Variants in GRIK2 observed in about 807,000 individuals in gnomAD.
The protein encoded by GRIK2 is glutamate receptor ionotropic, kainate 2.
Under a neutral mutation model 100.3 loss-of-function variants are expected in GRIK2, and 32 were observed. The ratio of observed to expected loss-of-function variants is 0.32; its 90% CI spans 0.24 to 0.43. GRIK2 has a LOEUF of 0.43. Among genes scored for constraint, GRIK2 ranks in the 20% least tolerant of loss-of-function variants. GRIK2 has a pLI of 1.00. For missense variants in GRIK2, 843 were observed against 1,114.9 expected, an observed-to-expected ratio of 0.76 and a Z score of 3.47; for synonymous variants, 417 against 389.4, an observed-to-expected ratio of 1.07 and a Z score of -0.83.
chr6:101,907,686 A>G (rs1582507217), intron 12 of GRIK2, among the ~76,000 whole-genome samples: 1 of 151,252 alleles, frequency 6.6e-6, no homozygotes, highest in South Asian at 2.1e-4. Context: ...GTTTCTTCAT[A>G]ATATTTAATG....
chr6:101,737,851 T>C (rs925144394), intron 7 of GRIK2, among the ~76,000 whole-genome samples: 1 of 152,106 alleles, frequency 6.6e-6, no homozygotes, highest in South Asian at 2.1e-4. Context: ...TGGTGCATTG[T>C]GAAAGAAAAG....
intron 15 of GRIK2, among the ~76,000 whole-genome samples, chr6:102,053,199 G>T (rs1771292780): frequency 6.6e-6 from 1 of 151,848 alleles, no homozygotes; most frequent in Non-Finnish European, 1.5e-5. Flanking sequence ...CACAAGATTT[G>T]TTGCATATAC....
chr6:101,916,676 C>A lies in GRIK2; in HGVS notation c.1749-7925C>A, dbSNP rs557002979. ...AAACCTTCTGTGCACTTCAGAGATA[C>A]CTGATTTATACAAAACTGAATTTTT... On this transcript the variant is annotated intron_variant, in intron 12 of 16. Coordinates refer to ENST00000369134, the MANE Select transcript of GRIK2 (RefSeq NM_021956.5). Among the ~76,000 whole-genome samples the A allele has an allele frequency of 2.6e-5, 4 of 151,594 alleles. No homozygotes were observed. The South Asian group carries it at 8.3e-4, about 31-fold the overall frequency.
At chr6:101,906,034 A>T (rs929846698) in intron 12 of GRIK2, among the ~76,000 whole-genome samples, 1 of 151,662 alleles carries the variant, frequency 6.6e-6, no homozygotes, top group African/African-American at 2.4e-5. Flanking sequence ...CTCAAATATT[A>T]AAGTGCGTTT....
At chr6:101,994,031 AT>A (rs1246696295) in intron 14 of GRIK2, among the ~76,000 whole-genome samples, 12 of 148,544 alleles carry the variant, frequency 8.1e-5, no homozygotes, top group African/African-American at 2.7e-4. Flanking sequence ...TATATACATT[AT>A]ATACAGATAT....
intron 2 of GRIK2, among the ~76,000 whole-genome samples, chr6:101,523,718 G>GTTTTTTTTTTT (rs1562199711): frequency 1.6e-5 from 2 of 125,946 alleles, no homozygotes; most frequent in South Asian, 2.7e-4. Context: ...TGACTCCTAA[G>GTTTTTTTTTTT]TCTTTTTTTT....
In GRIK2 at chr6:102,055,543, T is replaced by C; in HGVS notation, c.2525T>C (p.Phe842Ser). ...TCAGTTTTTGTGGCAGTGGGAGAAT[T>C]TTTATACAAATCCAAAAAAAACGCT... ...VLSVFVAVGE[F>S]LYKSKKNAQL... is the part of the protein sequence containing the mutation. Residue 842 changes from phenylalanine (F) to serine (S), a missense_variant, in exon 16 of 17, where the codon TTT (phenylalanine) becomes TCT (serine). By Grantham distance (155) the Phe-to-Ser change is radical. Around this residue, in one of 3 missense-constraint regions of GRIK2, gnomAD observed 87 missense variants for 83.2 expected, o/e 1.05. Coordinates refer to ENST00000369134, the MANE Select transcript of GRIK2 (RefSeq NM_021956.5). 6.2e-7 allele frequency: 1 copy of C among 1,611,396 alleles called. No homozygotes were observed. The highest frequency in any genetic ancestry group is 8.5e-7 in the Non-Finnish European group (1 of 1,177,682).
intron 11 of GRIK2, among the ~76,000 whole-genome samples, chr6:101,887,677 C>T (rs1220965682): frequency 6.6e-6 from 1 of 151,928 alleles, no homozygotes; most frequent in Admixed American, 6.6e-5. Flanking sequence ...ACAATCCTGG[C>T]GGAAGGAGAG....
chr6:101,648,144 T>C (rs1781615840), intron 4 of GRIK2, among the ~76,000 whole-genome samples: 1 of 152,054 alleles, frequency 6.6e-6, no homozygotes, highest in Admixed American at 6.6e-5. Flanking sequence ...AATAATTATG[T>C]TTCAGACTTG....
chr6:101,708,323 C>T (rs1450924510), intron 7 of GRIK2, among the ~76,000 whole-genome samples: 1 of 148,956 alleles, frequency 6.7e-6, no homozygotes, highest in Non-Finnish European at 1.5e-5. Flanking sequence ...CATTATTCAA[C>T]ATTTCTTACT....
chr6:101,436,182 ATACT>A (rs1769702550), intron 2 of GRIK2, among the ~76,000 whole-genome samples: 1 of 152,112 alleles, frequency 6.6e-6, no homozygotes, highest in African/African-American at 2.4e-5. Context: ...ACATGTGTAT[ATACT>A]TAAATATTAA....
intron 4 of GRIK2, among the ~76,000 whole-genome samples, chr6:101,647,769 A>T (rs575417835): frequency 6.6e-6 from 1 of 152,192 alleles, no homozygotes; most frequent in South Asian, 2.1e-4. Context: ...AATATTAGAA[A>T]ATGTACCTAA....
chr6:101,828,498 G>A (rs2128426767), intron 10 of GRIK2, among the ~76,000 whole-genome samples: 1 of 151,814 alleles, frequency 6.6e-6, no homozygotes, highest in East Asian at 1.9e-4. Context: ...GTCTTCGAAA[G>A]GATAACAACA....
Position 101,889,777 on chromosome 6 carries a change from C to A in GRIK2, c.1662C>A (p.Ser554=). The change falls in exon 12 of 17, where the codon TCC becomes TCA. Residue 554 remains serine, a synonymous_variant. Transcript: ENST00000369134. ...KPNGTNPGVF[S]FLNPLSPDIW... is the part of the protein sequence containing the mutation. ...ATGGTACAAACCCAGGCGTCTTCTC[C>A]TTCCTGAATCCTCTCTCCCCTGATA... is the stretch of plus-strand genomic sequence containing the variant. The A allele has an allele frequency of 6.2e-7, 1 of 1,613,426 alleles. No individual in the cohort carries two copies. Among genetic ancestry groups the A allele is most frequent in the South Asian group, 1.1e-5 (1 of 91,068 alleles).
At chr6:102,035,190 T>C in intron 14 of GRIK2, 151 bp from the exon 15 acceptor site, 1 of 208,530 alleles carries the variant, frequency 4.8e-6, no homozygotes, top group Non-Finnish European at 8.1e-6. Context: ...TCAGACTTTT[T>C]TGGTATATAT....
chr6:101,653,077 G>A (rs1264650430), intron 4 of GRIK2, among the ~76,000 whole-genome samples: 4 of 152,096 alleles, frequency 2.6e-5, no homozygotes, highest in African/African-American at 9.7e-5. Context: ...ATGTCAAGAC[G>A]TGCTGAAAGT....
intron 14 of GRIK2, among the ~76,000 whole-genome samples, chr6:101,935,495 A>C (rs913341924): frequency 2.6e-5 from 4 of 151,918 alleles, no homozygotes; most frequent in Non-Finnish European, 4.4e-5. Context: ...TGGGGATTGA[A>C]AGCATAAAGG....
chr6:101,822,541 G>A (rs1381694243), intron 10 of GRIK2, among the ~76,000 whole-genome samples: 3 of 152,008 alleles, frequency 2.0e-5, no homozygotes, highest in African/African-American at 4.8e-5. Context: ...CTAATGCCTC[G>A]ATCTGCTTCT....
At chr6:101,575,807 G>A (rs1777762367) in intron 2 of GRIK2, among the ~76,000 whole-genome samples, 1 of 152,006 alleles carries the variant, frequency 6.6e-6, no homozygotes. Flanking sequence ...AACATCTGCA[G>A]CCTGGTCTGC....
Sources: gnomAD v4.1 joint callset for allele counts (sites outside exome capture counted in the v4.1 genomes callset) on GRCh38, gnomAD v4.1.1 for gene constraint, gnomAD v4.1.1 regional missense constraint, MANE v1.5 for transcripts, NCBI Gene and HGNC (gene_info 2026-07-23, HGNC 2026-07-21) for gene names.